LINC00305: variants seen among roughly 807,000 people sequenced by gnomAD.
LINC00305 encodes long independently transcribed non-coding RNA 305.
chr18:64,128,730 G>A (rs1227563183), intron 1 of LINC00305, among the ~76,000 whole-genome samples: 7 of 152,080 alleles, frequency 4.6e-5, no homozygotes, highest in African/African-American at 9.7e-5. Context: ...TATGCCAGTT[G>A]ATAAATAGTC....
At chr18:64,118,824 CTGTGTGTGTGTGTGTGTGTG>C (rs58215196) in intron 1 of LINC00305, among the ~76,000 whole-genome samples, 5 of 144,354 alleles carry the variant, frequency 3.5e-5, no homozygotes, top group African/African-American at 7.8e-5. Flanking sequence ...CCCTGGGGGT[CTGTGTGTGTGTGTGTGTGTG>C]TGTGTGTGTG....
chr18:64,118,817 T>TGG (rs1365470807), intron 1 of LINC00305, among the ~76,000 whole-genome samples: 9 of 134,572 alleles, frequency 6.7e-5, no homozygotes, highest in African/African-American at 1.7e-4. Context: ...ATCAAGACCC[T>TGG]GGGGGTCTGT....
At chr18:64,126,595 C>T (rs1188908034) in intron 1 of LINC00305, among the ~76,000 whole-genome samples, 1 of 151,964 alleles carries the variant, frequency 6.6e-6, no homozygotes, top group Non-Finnish European at 1.5e-5. Flanking sequence ...CATTCATCTC[C>T]TTCCCTTCTT....
intron 3 of LINC00305, among the ~76,000 whole-genome samples, chr18:64,089,167 G>C (rs909290534): frequency 2.6e-5 from 4 of 152,318 alleles, no homozygotes; most frequent in African/African-American, 9.6e-5. Flanking sequence ...GAGGGACCCG[G>C]TGGGAGGTGA....
chr18:64,139,140 C>A (rs1192690245), intron 1 of LINC00305, among the ~76,000 whole-genome samples: 1 of 152,230 alleles, frequency 6.6e-6, no homozygotes, highest in Non-Finnish European at 1.5e-5. Context: ...AATTCCAAAT[C>A]AAGTCTGAAA....
chr18:64,092,947 A>G (rs1455063472), intron 3 of LINC00305, among the ~76,000 whole-genome samples: 1 of 152,232 alleles, frequency 6.6e-6, no homozygotes, highest in African/African-American at 2.4e-5. Flanking sequence ...TAGGACAGAG[A>G]ACATATCTCA....
At position 64,080,179 on chromosome 18, in the gene LINC00305, A is replaced by G; in HGVS notation, n.764T>C. The G allele has an allele frequency of 1.8e-5, 5 of 277,916 alleles. No individual in the cohort carries two copies. The Middle Eastern group carries it at 1.7e-3, about 93-fold the overall frequency. 17.2% of individuals were successfully genotyped at this position (277,916 alleles called of 1,614,324 possible). ...TGAGACCTTTCAATGGATTATGCTT[A>G]TATTCAAAAAGAAAATCCAAAGTCC... On this transcript the variant is annotated non_coding_transcript_exon_variant, in exon 4 of 4. Transcript: ENST00000666468.
intron 1 of LINC00305, among the ~76,000 whole-genome samples, chr18:64,122,310 T>C (rs973217457): frequency 6.6e-6 from 1 of 152,116 alleles, no homozygotes; most frequent in South Asian, 2.1e-4. Flanking sequence ...GTTTTTTATA[T>C]AGTTTTAGGA....
chr18:64,107,777 T>C (rs2051297448), intron 1 of LINC00305, among the ~76,000 whole-genome samples: 1 of 152,210 alleles, frequency 6.6e-6, no homozygotes, highest in South Asian at 2.1e-4. Flanking sequence ...GTCAGAGGAC[T>C]GAAATCCACC....
At chr18:64,131,722 A>C (rs2051410687) in intron 1 of LINC00305, among the ~76,000 whole-genome samples, 1 of 152,204 alleles carries the variant, frequency 6.6e-6, no homozygotes, top group Non-Finnish European at 1.5e-5. Flanking sequence ...CTAGCAAAGT[A>C]CTAGAAATGT....
At chr18:64,143,505 G>A (rs1360717347) in intron 1 of LINC00305, among the ~76,000 whole-genome samples, 1 of 116,196 alleles carries the variant, frequency 8.6e-6, no homozygotes, top group African/African-American at 4.3e-5. Context: ...ATATATATAT[G>A]TATACCATCA....
chr18:64,082,419 T>TG (rs2051188587), intron 3 of LINC00305, among the ~76,000 whole-genome samples: 1 of 152,076 alleles, frequency 6.6e-6, no homozygotes, highest in Non-Finnish European at 1.5e-5. Context: ...TCCACATTTT[T>TG]GGGGGGAGAC....
intron 1 of LINC00305, among the ~76,000 whole-genome samples, chr18:64,138,669 G>A (rs182221654): frequency 1.2e-3 from 176 of 152,050 alleles, no homozygotes; most frequent in Non-Finnish European, 1.7e-3. Context: ...TCTCATTTTG[G>A]GGGGCCTATT....
At chr18:64,104,011 T>C (rs1366149962) in intron 1 of LINC00305, 1 of 152,248 alleles carries the variant, frequency 6.6e-6, no homozygotes, top group African/African-American at 2.4e-5. Flanking sequence ...TATGTCACAA[T>C]GGAATCTGGT....
intron 1 of LINC00305, among the ~76,000 whole-genome samples, chr18:64,114,496 C>T (rs1466785974): frequency 1.3e-5 from 2 of 152,136 alleles, no homozygotes; most frequent in African/African-American, 4.8e-5. Flanking sequence ...CTGGAACTTT[C>T]TGATATCTCC....
At chr18:64,087,613 G>C (rs1019700465) in intron 3 of LINC00305, among the ~76,000 whole-genome samples, 3 of 152,086 alleles carry the variant, frequency 2.0e-5, no homozygotes, top group Admixed American at 2.0e-4. Flanking sequence ...AAAGAAATCT[G>C]TTAAATACCT....
intron 3 of LINC00305, among the ~76,000 whole-genome samples, chr18:64,096,991 T>C (rs1471360065): frequency 2.6e-5 from 4 of 151,900 alleles, no homozygotes; most frequent in African/African-American, 9.7e-5. Flanking sequence ...TTTTAAAAAT[T>C]AATAAATTTA....
intron 1 of LINC00305, among the ~76,000 whole-genome samples, chr18:64,116,885 G>C (rs981716303): frequency 1.3e-5 from 2 of 152,110 alleles, no homozygotes; most frequent in African/African-American, 2.4e-5. Context: ...TGAGTCCTGG[G>C]GTGGAAATGG....
At chr18:64,131,169 T>C (rs2051408243) in intron 1 of LINC00305, among the ~76,000 whole-genome samples, 1 of 152,206 alleles carries the variant, frequency 6.6e-6, no homozygotes, top group Non-Finnish European at 1.5e-5. Flanking sequence ...AATACGTTCA[T>C]CAATTGATAT....
Sources: allele counts gnomAD v4.1 joint callset (sites outside exome capture counted in the v4.1 genomes callset), GRCh38; gene constraint gnomAD v4.1.1; transcripts MANE v1.5; gene names NCBI Gene and HGNC (gene_info 2026-07-23, HGNC 2026-07-21).